Variants in FGD5 observed in about 807,000 individuals in gnomAD.
FGD5 encodes the protein FYVE, RhoGEF and PH domain containing 5, also known as FYVE, RhoGEF and PH domain-containing protein 5.
A neutral mutation model predicts 133.4 loss-of-function variants in FGD5; 28 were observed. The observed-to-expected ratio is 0.21, with a 90% confidence interval of 0.16 to 0.29. The LOEUF (loss-of-function observed/expected upper bound fraction) is 0.29, where lower values mean the gene tolerates loss of function less well. FGD5 is among the 10% of genes least tolerant of loss of function. The pLI is 1.00. For missense variants in FGD5, 1,858 were observed against 1,895.2 expected (o/e 0.98, Z 0.36); for synonymous variants, 810 against 776.5 (o/e 1.04, Z -0.72).
chr3:14,882,029 C>T (rs1281217490), intron 4 of FGD5, among the ~76,000 whole-genome samples: 1 of 152,206 alleles, frequency 6.6e-6, no homozygotes, highest in Admixed American at 6.5e-5. Context: ...GCGGATAGAG[C>T]ACTACTCTGG....
intron 2 of FGD5, 55 bp from the exon 3 acceptor site, chr3:14,880,517 T>G (rs1456936386): frequency 6.4e-7 from 1 of 1,573,094 alleles, no homozygotes; most frequent in Non-Finnish European, 8.7e-7. Flanking sequence ...CATGGTGGCC[T>G]CCTCTAGAAA....
rs182115298 is a variant in FGD5, at chr3:14,924,956, C to T, written c.4068+818C>T. Among the ~76,000 whole-genome samples the T allele has an allele frequency of 2.0e-3, 300 of 151,926 alleles. 1 individual carries two copies. The highest frequency in any genetic ancestry group is 3.6e-3 in the Non-Finnish European group (245 of 67,944). On this transcript the variant is annotated intron_variant, in intron 17 of 19. Transcript: ENST00000285046. ...CTCTACTAAAAATACAAAAATCAGC[C>T]GGGTGTGGTGTCATGCAGCTGTAGT...
intron 2 of FGD5, among the ~76,000 whole-genome samples, chr3:14,868,324 T>C (rs1575219312): frequency 6.6e-6 from 1 of 151,996 alleles, no homozygotes; most frequent in East Asian, 1.9e-4. Context: ...TCTGGCCTGT[T>C]TCTGGAACAG....
rs765966351 is a variant in FGD5 at position 14,897,981 on chromosome 3, G to A, written c.2952G>A (p.Glu984=). 1.9e-6 allele frequency: 3 copies of A among 1,613,926 alleles called. No individual in the cohort carries two copies. Among genetic ancestry groups the A allele is most frequent in the Non-Finnish European group, 2.5e-6 (3 of 1,179,874 alleles). ...TAGCTGACGTCTTCCTGGCCCGGGAGCAGGGGTTTGATCACCACGCCACTC... is the reference window on the plus strand; with the variant it reads ...TAGCTGACGTCTTCCTGGCCCGGGAACAGGGGTTTGATCACCACGCCACTC... ...QKVADVFLAR[E]QGFDHHATHI... The change falls in exon 6 of 20, where the codon GAG becomes GAA. Residue 984 remains glutamate (E), a synonymous_variant. Coordinates refer to ENST00000285046, the MANE Select transcript of FGD5 (RefSeq NM_152536.4).
intron 17 of FGD5, among the ~76,000 whole-genome samples, chr3:14,925,100 CAAAAAAAAAAAA>C (rs10714568): frequency 1.4e-5 from 1 of 71,822 alleles, no homozygotes; most frequent in African/African-American, 6.4e-5. Flanking sequence ...GACTCTGTCT[CAAAAAAAAAAAA>C]AAAAAAAAAA....
intron 16 of FGD5, 150 bp from the exon 17 acceptor site, chr3:14,923,857 AG>A: frequency 1.0e-6 from 1 of 977,450 alleles, no homozygotes; most frequent in Non-Finnish European, 1.5e-6. Context: ...CTGTTCCTGC[AG>A]GAGGGAGGGA....
At chr3:14,868,719 G>A (rs574832439) in intron 2 of FGD5, among the ~76,000 whole-genome samples, 3 of 152,192 alleles carry the variant, frequency 2.0e-5, no homozygotes, top group Non-Finnish European at 4.4e-5. Context: ...TTTCTCCACT[G>A]TCTGCCTCTC....
chr3:14,869,962 G>A (rs1400257134), intron 2 of FGD5, among the ~76,000 whole-genome samples: 1 of 152,218 alleles, frequency 6.6e-6, no homozygotes, highest in Admixed American at 6.5e-5. Context: ...CCCTGAAGTG[G>A]GATTGCTGTA....
At chr3:14,903,455 A>G (rs1338899966) in intron 9 of FGD5, among the ~76,000 whole-genome samples, 1 of 148,652 alleles carries the variant, frequency 6.7e-6, no homozygotes, top group Non-Finnish European at 1.5e-5. Context: ...TGCACCCACT[A>G]ACTCGTCATC....
At chr3:14,829,101 G>A (rs1251264693) in intron 1 of FGD5, among the ~76,000 whole-genome samples, 5 of 152,078 alleles carry the variant, frequency 3.3e-5, no homozygotes, top group Non-Finnish European at 7.3e-5. Flanking sequence ...GCCAAGGTGG[G>A]TCTTGATGGG....
At chr3:14,926,430 G>A (rs1427652989) in intron 18 of FGD5, among the ~76,000 whole-genome samples, 1 of 152,188 alleles carries the variant, frequency 6.6e-6, no homozygotes. Context: ...ATATAAGAAG[G>A]TACGGACATG....
intron 1 of FGD5, among the ~76,000 whole-genome samples, chr3:14,828,891 G>GA (rs1175825903): frequency 7.1e-6 from 1 of 140,264 alleles, no homozygotes; most frequent in Non-Finnish European, 1.5e-5. Context: ...GCATGATCTT[G>GA]ACTCACTGCA....
At chr3:14,852,320 G>A (rs554790870) in intron 1 of FGD5, among the ~76,000 whole-genome samples, 33 of 152,190 alleles carry the variant, frequency 2.2e-4, no homozygotes, top group South Asian at 4.1e-4. Context: ...CACACTAAGT[G>A]AAAGAATCCA....
chr3:14,901,207 G>T, intron 9 of FGD5, 146 bp downstream of exon 9: 1 of 841,478 alleles, frequency 1.2e-6, no homozygotes, highest in Non-Finnish European at 1.9e-6. Flanking sequence ...GTGGGTTCTG[G>T]CTCTGACTCT....
intron 9 of FGD5, among the ~76,000 whole-genome samples, chr3:14,904,700 G>A (rs1160475848): frequency 6.6e-6 from 1 of 152,122 alleles, no homozygotes; most frequent in African/African-American, 2.4e-5. Context: ...TGGTAATGTG[G>A]TATCATTTCT....
At chr3:14,848,612 G>A in intron 1 of FGD5, among the ~76,000 whole-genome samples, 1 of 152,152 alleles carries the variant, frequency 6.6e-6, no homozygotes, top group East Asian at 1.9e-4. Flanking sequence ...AATCTTGTAA[G>A]AAATGGGCTC....
At chr3:14,877,396 C>G (rs1361954056) in intron 2 of FGD5, among the ~76,000 whole-genome samples, 1 of 152,202 alleles carries the variant, frequency 6.6e-6, no homozygotes, top group Non-Finnish European at 1.5e-5. Flanking sequence ...GTGTCTGGAC[C>G]CTACCAAAAG....
intron 1 of FGD5, among the ~76,000 whole-genome samples, chr3:14,831,204 G>A (rs749330195): frequency 2.6e-5 from 4 of 152,184 alleles, no homozygotes; most frequent in Non-Finnish European, 4.4e-5. Flanking sequence ...AGTGCAGAAG[G>A]CGATGGGAAG....
At chr3:14,890,281 C>T (rs985382570) in intron 4 of FGD5, among the ~76,000 whole-genome samples, 32 of 152,146 alleles carry the variant, frequency 2.1e-4, no homozygotes, top group African/African-American at 7.7e-4. Flanking sequence ...TTGCTGGGTC[C>T]TATGCTTTTC....
Sources: gnomAD v4.1 joint callset for allele counts (sites outside exome capture counted in the v4.1 genomes callset) on GRCh38, gnomAD v4.1.1 for gene constraint, MANE v1.5 for transcripts, NCBI Gene and HGNC (gene_info 2026-07-23, HGNC 2026-07-21) for gene names.